The following NPAS2 variants were observed in gnomAD, a reference collection of about 807,000 sequenced individuals.
The protein encoded by NPAS2 is neuronal PAS domain protein 2.
NPAS2 carries 23 observed loss-of-function variants against 107.5 expected under a neutral mutation model. The ratio of observed to expected loss-of-function variants is 0.21; its 90% CI spans 0.15 to 0.30. The LOEUF (loss-of-function observed/expected upper bound fraction) is 0.30, where lower values mean the gene tolerates loss of function less well. NPAS2 is among the 10% of genes least tolerant of loss of function. The pLI is 1.00. For missense variants in NPAS2, 756 were observed against 1,043.3 expected (o/e 0.72, Z 3.79); for synonymous variants, 403 against 417.5 (o/e 0.97, Z 0.42).
At chr2:100,984,611 TTTCCCACTTGGAGAA>T (rs1184215169) in intron 16 of NPAS2, 1 of 152,194 alleles carries the variant, frequency 6.6e-6, no homozygotes, top group Non-Finnish European at 1.5e-5. Flanking sequence ...TCTGATAACT[TTTCCCACTTGGAGAA>T]CTTTTTTTTT....
At chr2:100,987,794 G>A (rs1677862277) in intron 16 of NPAS2, 1 of 447,618 alleles carries the variant, frequency 2.2e-6, no homozygotes, top group Non-Finnish European at 4.0e-6. Context: ...ATTATTTAGA[G>A]AACATCTGGG....
At chr2:100,842,111 T>C (rs1405690938) in intron 1 of NPAS2, among the ~76,000 whole-genome samples, 1 of 111,536 alleles carries the variant, frequency 9.0e-6, no homozygotes, top group African/African-American at 2.9e-5. Context: ...ACACACACAC[T>C]TAAGCCCCCA....
chr2:100,996,415 CTG>C lies in NPAS2; in HGVS notation c.*836_*837del, dbSNP rs1231543119. On this transcript the variant is annotated 3_prime_UTR_variant, in exon 21 of 21. Transcript: ENST00000335681. The stretch of plus-strand genomic sequence containing the variant: ...CAGAATTCTGCTGAGAACTCCAAGT[CTG>C]TGAGGGGAGAGGTTTTACAAGCCAG... 6.5e-6 allele frequency: 1 copy of C among 153,332 alleles called. No individual in the cohort carries two copies. The highest frequency in any genetic ancestry group is 1.5e-5 in the Non-Finnish European group (1 of 68,576). The allele number at this position is 153,332 out of a possible 1,614,324, so 9.5% of individuals were successfully genotyped here. A position where few individuals can be genotyped will look rare whatever the true frequency, so the allele number is the denominator to read the frequency against.
At chr2:100,957,021 G>C (rs368432707) in intron 7 of NPAS2, among the ~76,000 whole-genome samples, 41 of 152,292 alleles carry the variant, frequency 2.7e-4, no homozygotes, top group South Asian at 1.2e-3. Context: ...CCATTGCTCA[G>C]GTCCTTCAGC....
chr2:100,977,819 A>G lies in NPAS2; in HGVS notation c.1482+20A>G. The G allele has an allele frequency of 6.2e-7, 1 of 1,607,696 alleles. No homozygotes were observed. Among genetic ancestry groups the G allele is most frequent in the Non-Finnish European group, 8.5e-7 (1 of 1,174,512 alleles). On this transcript the variant is annotated intron_variant, in intron 15 of 20. Transcript: ENST00000335681. ...GCACAGGTGAGTCTGGGACCCAGGA[A>G]AGGGCAGCCCCTCTCAAGCCAGAAG...
chr2:100,959,108 A>AAG (rs1675767620), intron 7 of NPAS2, among the ~76,000 whole-genome samples: 1 of 43,438 alleles, frequency 2.3e-5, no homozygotes, highest in Non-Finnish European at 5.7e-5. Context: ...AAAAAAAAAA[A>AAG]ACAAAACTAA....
At chr2:100,892,612 A>G (rs991544215) in intron 1 of NPAS2, among the ~76,000 whole-genome samples, 2 of 152,222 alleles carry the variant, frequency 1.3e-5, no homozygotes, top group Non-Finnish European at 2.9e-5. Context: ...AGGTCAGAGA[A>G]TGTGCCAGAA....
intron 1 of NPAS2, among the ~76,000 whole-genome samples, chr2:100,826,189 A>G (rs1303622871): frequency 6.6e-6 from 1 of 152,204 alleles, no homozygotes; most frequent in Non-Finnish European, 1.5e-5. Flanking sequence ...CACGCCTGTA[A>G]TCCCAGCACT....
rs79320559 is a variant in NPAS2, at chr2:100,923,895, G to A, written c.33-1251G>A. 6.8e-3 allele frequency among the ~76,000 whole-genome samples: 1,037 copies of A among 152,160 alleles called. 57 individuals are homozygous for A. The East Asian group carries it at 0.15, about 22-fold the overall frequency. On this transcript the variant is annotated intron_variant, in intron 2 of 20. Coordinates refer to ENST00000335681, the MANE Select transcript of NPAS2 (RefSeq NM_002518.4). ...TTTTCAGGAGGGCTTTTTGCATCAC[G>A]TGTTCCTTGTTCGTTGTTAATTAGA...
intron 12 of NPAS2, among the ~76,000 whole-genome samples, chr2:100,971,575 C>G (rs1415420800): frequency 2.0e-5 from 3 of 152,222 alleles, no homozygotes; most frequent in Admixed American, 2.0e-4. Flanking sequence ...CTCTCCCTGT[C>G]ACCTGTGCTT....
chr2:100,921,770 G>A (rs747581820), intron 2 of NPAS2, among the ~76,000 whole-genome samples: 1 of 152,168 alleles, frequency 6.6e-6, no homozygotes, highest in African/African-American at 2.4e-5. Flanking sequence ...CAGTGCAGCC[G>A]TGTCTTATCA....
chr2:100,977,046 A>AG (rs1677061984), intron 14 of NPAS2: 2 of 152,126 alleles, frequency 1.3e-5, no homozygotes, highest in Admixed American at 1.3e-4. Context: ...TTTAAAAAAA[A>AG]AAAAAACCAC....
At chr2:100,941,289 C>T (rs993080662) in intron 5 of NPAS2, among the ~76,000 whole-genome samples, 9 of 152,152 alleles carry the variant, frequency 5.9e-5, no homozygotes, top group Non-Finnish European at 1.2e-4. Flanking sequence ...AACTGGCAGG[C>T]GCGGTGGCTC....
chr2:100,975,078 C>G, intron 13 of NPAS2, 134 bp downstream of exon 13: 3 of 735,804 alleles, frequency 4.1e-6, no homozygotes, highest in East Asian at 6.4e-5. Flanking sequence ...AGTTTATACT[C>G]CTCCTTTCCT....
chr2:100,975,967 T>TAGC (rs988129363), intron 14 of NPAS2, among the ~76,000 whole-genome samples: 11 of 152,138 alleles, frequency 7.2e-5, no homozygotes, highest in African/African-American at 2.7e-4. Flanking sequence ...ACATATCAGG[T>TAGC]AGCGTCCCCA....
intron 2 of NPAS2, among the ~76,000 whole-genome samples, chr2:100,914,631 G>A (rs576084756): frequency 2.0e-5 from 3 of 152,086 alleles, no homozygotes; most frequent in Non-Finnish European, 2.9e-5. Context: ...CACCCCATAC[G>A]CTTTTCTGCA....
At chr2:100,961,488 C>T (rs1161491024) in intron 7 of NPAS2, among the ~76,000 whole-genome samples, 3 of 152,056 alleles carry the variant, frequency 2.0e-5, no homozygotes, top group African/African-American at 7.3e-5. Flanking sequence ...AGAAGTTGCC[C>T]CGTTCTGGAC....
At chr2:100,849,281 A>G (rs1677994601) in intron 1 of NPAS2, among the ~76,000 whole-genome samples, 1 of 152,178 alleles carries the variant, frequency 6.6e-6, no homozygotes, top group Non-Finnish European at 1.5e-5. Flanking sequence ...AGTAATTAAG[A>G]TACCCTAAAT....
At chr2:100,951,434 A>G (rs1361882896) in intron 7 of NPAS2, among the ~76,000 whole-genome samples, 1 of 152,224 alleles carries the variant, frequency 6.6e-6, no homozygotes, top group Non-Finnish European at 1.5e-5. Context: ...GAAGCAACCC[A>G]CGTGTCCATC....
Sources: gnomAD v4.1 joint callset for allele counts (sites outside exome capture counted in the v4.1 genomes callset) on GRCh38, gnomAD v4.1.1 for gene constraint, MANE v1.5 for transcripts, NCBI Gene and HGNC (gene_info 2026-07-23, HGNC 2026-07-21) for gene names.